The following ELP4 variants were observed in gnomAD, a reference collection of about 807,000 sequenced individuals.
ELP4 encodes the protein elongator acetyltransferase complex subunit 4, also known as elongator complex protein 4.
In ELP4, 51 loss-of-function variants were observed where a neutral mutation model predicts 48.9. The observed-to-expected ratio is 1.04, with a 90% CI of 0.83 to 1.32. The LOEUF is 1.32. Ranked by LOEUF, ELP4 falls within the 40% of genes most tolerant of loss-of-function variation. ELP4 has a pLI of 0.00. For missense variants in ELP4, 519 were observed against 514.6 expected (o/e 1.01, Z -0.08); for synonymous variants, 210 against 189.2 (o/e 1.11, Z -0.90).
At chr11:31,699,965 G>A (rs1428344745) in intron 9 of ELP4, among the ~76,000 whole-genome samples, 2 of 152,132 alleles carry the variant, frequency 1.3e-5, no homozygotes, top group African/African-American at 4.8e-5. Context: ...TGAGAATATG[G>A]GAGGAGAATG....
rs930526981 is a variant in ELP4 at position 31,763,427 on chromosome 11, A to G, written c.1144-19966A>G. The G allele has an allele frequency of 1.3e-5, 21 of 1,607,998 alleles. 1 individual carries two copies. The Admixed American group carries it at 1.5e-4, about 12-fold the overall frequency. ...CTGAGGCAGTGGGTGCAAGACAACT[A>G]CTTGAGACAAGAGAGGAACATTTAT... On this transcript the variant is annotated intron_variant, in intron 9 of 9. Coordinates refer to ENST00000640961, the MANE Select transcript of ELP4 (RefSeq NM_019040.5).
At chr11:31,562,403 C>G (rs1231711322) in intron 3 of ELP4, among the ~76,000 whole-genome samples, 2 of 152,182 alleles carry the variant, frequency 1.3e-5, no homozygotes, top group South Asian at 2.1e-4. Flanking sequence ...GAAATATTAT[C>G]TAGTCTTCTC....
At chr11:31,752,601 G>A (rs1947745400) in intron 9 of ELP4, among the ~76,000 whole-genome samples, 3 of 152,010 alleles carry the variant, frequency 2.0e-5, no homozygotes, top group East Asian at 1.9e-4. Context: ...TTGGGAGGCC[G>A]AGGCGGACGG....
rs542751907 is a variant in ELP4, at chr11:31,659,525, T to C, written c.1143+9304T>C. ...TCAGTTGAAATACCTGACCCTATGC[T>C]TTATTGAAAACTTGTTTCAAATATT... On this transcript the variant is annotated intron_variant, in intron 9 of 9. Transcript: ENST00000640961. 1.4e-4 allele frequency among the ~76,000 whole-genome samples: 21 copies of C among 152,294 alleles called. No homozygotes were observed. In the South Asian group the frequency reaches 4.4e-3, roughly 32 times the overall value.
At chr11:31,575,348 C>G (rs561948646) in intron 3 of ELP4, among the ~76,000 whole-genome samples, 40 of 152,250 alleles carry the variant, frequency 2.6e-4, no homozygotes, top group African/African-American at 8.4e-4. Flanking sequence ...AGAATGGAAC[C>G]AAGTTGGAAA....
chr11:31,604,192 G>A (rs1957830326), intron 5 of ELP4, among the ~76,000 whole-genome samples: 2 of 151,736 alleles, frequency 1.3e-5, no homozygotes, highest in African/African-American at 4.8e-5. Flanking sequence ...TCAAGAAAAT[G>A]TAGAACAGTT....
intron 9 of ELP4, among the ~76,000 whole-genome samples, chr11:31,669,515 C>G (rs1298346794): frequency 6.6e-6 from 1 of 152,160 alleles, no homozygotes; most frequent in Non-Finnish European, 1.5e-5. Flanking sequence ...GGTTAGATAG[C>G]CTACCTCTGT....
At chr11:31,640,144 A>G (rs2134058617) in intron 7 of ELP4, among the ~76,000 whole-genome samples, 1 of 152,082 alleles carries the variant, frequency 6.6e-6, no homozygotes, top group East Asian at 1.9e-4. Context: ...ATATGGTAGG[A>G]GAAAAAGAGG....
chr11:31,709,479 T>C (rs1371941709), intron 9 of ELP4, among the ~76,000 whole-genome samples: 6 of 152,150 alleles, frequency 3.9e-5, no homozygotes, highest in Admixed American at 3.9e-4. Context: ...TTTATTACTC[T>C]GTAATGATAC....
chr11:31,668,188 A>G (rs1945720189), intron 9 of ELP4, among the ~76,000 whole-genome samples: 1 of 152,188 alleles, frequency 6.6e-6, no homozygotes, highest in East Asian at 1.9e-4. Flanking sequence ...ATAATATTTA[A>G]ATAATTATGC....
intron 9 of ELP4, among the ~76,000 whole-genome samples, chr11:31,752,467 A>G (rs1182366456): frequency 6.6e-6 from 1 of 152,158 alleles, no homozygotes; most frequent in Admixed American, 6.5e-5. Context: ...CCACTCTCTC[A>G]GGGTCTATTT....
chr11:31,777,956 G>A (rs1335615936), intron 9 of ELP4, among the ~76,000 whole-genome samples: 1 of 152,200 alleles, frequency 6.6e-6, no homozygotes, highest in African/African-American at 2.4e-5. Flanking sequence ...CTGCAGAGAT[G>A]AGTATATCAT....
chr11:31,614,177 A>G (rs1958034691), intron 5 of ELP4, among the ~76,000 whole-genome samples: 1 of 152,216 alleles, frequency 6.6e-6, no homozygotes, highest in Non-Finnish European at 1.5e-5. Context: ...AATCGCAGAA[A>G]ATATGAATGA....
At chr11:31,758,526 T>G (rs555956588) in intron 9 of ELP4, among the ~76,000 whole-genome samples, 2 of 152,340 alleles carry the variant, frequency 1.3e-5, no homozygotes, top group East Asian at 3.9e-4. Flanking sequence ...CCTAGAAAAT[T>G]CTCTGCTTTT....
At position 31,789,478 on chromosome 11, in the gene ELP4, A is replaced by T; in HGVS notation, c.*5954A>T. 1 of 505,436 alleles carries T rather than the reference A, an allele frequency of 2.0e-6. No individual in the cohort carries two copies. The highest frequency in any genetic ancestry group is 3.5e-6 in the Non-Finnish European group (1 of 289,248). The allele number at this position is 505,436 out of a possible 1,614,324, so 31.3% of individuals were successfully genotyped here. On this transcript the variant is annotated 3_prime_UTR_variant, in exon 10 of 10. Transcript: ENST00000640961. Reference sequence around the variant, plus strand: ...CAAAGGAATGATACAAACTTGGAACATCAGTCCATAAACTATGAACAGATG... The same window carrying T: ...CAAAGGAATGATACAAACTTGGAACTTCAGTCCATAAACTATGAACAGATG...
intron 9 of ELP4, among the ~76,000 whole-genome samples, chr11:31,778,550 AAG>A (rs1027348485): frequency 6.6e-6 from 1 of 152,254 alleles, no homozygotes; most frequent in African/African-American, 2.4e-5. Context: ...TTGAAGCAAG[AAG>A]AGATAAATAA....
At chr11:31,600,574 C>G (rs2133998149) in intron 4 of ELP4, 1 of 152,234 alleles carries the variant, frequency 6.6e-6, no homozygotes, top group Admixed American at 6.5e-5. Context: ...TTCTCATTCT[C>G]TAGTGAATCA....
At chr11:31,731,816 A>G (rs1024349584) in intron 9 of ELP4, among the ~76,000 whole-genome samples, 1 of 152,172 alleles carries the variant, frequency 6.6e-6, no homozygotes, top group African/African-American at 2.4e-5. Flanking sequence ...AAGAAAACTG[A>G]ATCATCACAA....
At chr11:31,690,738 A>G (rs1182995332) in intron 9 of ELP4, among the ~76,000 whole-genome samples, 2 of 150,630 alleles carry the variant, frequency 1.3e-5, no homozygotes, top group Non-Finnish European at 2.9e-5. Flanking sequence ...ACTAGTCATT[A>G]CTAGTAATAG....
Sources: allele counts gnomAD v4.1 joint callset (sites outside exome capture counted in the v4.1 genomes callset), GRCh38; gene constraint gnomAD v4.1.1; transcripts MANE v1.5; gene names NCBI Gene and HGNC (gene_info 2026-07-23, HGNC 2026-07-21).